Variants in ADGRB3 observed in about 807,000 individuals in gnomAD.
ADGRB3 encodes adhesion G protein-coupled receptor B3.
ADGRB3 carries 37 observed loss-of-function variants against 193.4 expected under a neutral mutation model. That is an observed-to-expected ratio of 0.19 (90% CI 0.15 to 0.25). The LOEUF (loss-of-function observed/expected upper bound fraction) is 0.25, where lower values mean the gene tolerates loss of function less well. Ranked by LOEUF, ADGRB3 falls within the 10% of genes least tolerant of loss-of-function variation. ADGRB3 has a pLI of 1.00. For missense variants in ADGRB3, 1,637 were observed against 1,852.9 expected (o/e 0.88, Z 2.14); for synonymous variants, 690 against 644.2 (o/e 1.07, Z -1.08).
chr6:68,871,805 G>A (rs536833152), intron 3 of ADGRB3, among the ~76,000 whole-genome samples: 1 of 152,026 alleles, frequency 6.6e-6, no homozygotes, highest in South Asian at 2.1e-4. Flanking sequence ...CATTAATGAG[G>A]GTAATAATTT....
In ADGRB3 at chr6:69,048,424, C is replaced by T. The variant is rs1771300620; in HGVS notation, c.2257+90C>T. On this transcript the variant is annotated intron_variant, in intron 14 of 31. Coordinates refer to ENST00000370598, the MANE Select transcript of ADGRB3 (RefSeq NM_001704.3). ...TAGGTATAAATCTTCATACATTAAA[C>T]AGTTTAGAAATAGTCTGTAATCATT... 7 of 1,295,036 alleles carry T rather than the reference C, an allele frequency of 5.4e-6. No individual in the cohort carries two copies. The South Asian group carries it at 8.5e-5, about 16-fold the overall frequency. The allele number at this position is 1,295,036 out of a possible 1,614,324, so 80.2% of individuals were successfully genotyped here.
chr6:68,790,540 G>A (rs1255860920), intron 3 of ADGRB3, among the ~76,000 whole-genome samples: 1 of 152,160 alleles, frequency 6.6e-6, no homozygotes, highest in African/African-American at 2.4e-5. Context: ...GCACCCCCGA[G>A]TAGGGGCAGA....
At chr6:68,971,124 A>G (rs1258572250) in intron 8 of ADGRB3, among the ~76,000 whole-genome samples, 1 of 152,246 alleles carries the variant, frequency 6.6e-6, no homozygotes, top group Non-Finnish European at 1.5e-5. Flanking sequence ...GTTGGCCGTC[A>G]GTATTCATGG....
chr6:69,226,913 G>A (rs930004037), intron 17 of ADGRB3, among the ~76,000 whole-genome samples: 6 of 152,182 alleles, frequency 3.9e-5, no homozygotes, highest in Non-Finnish European at 8.8e-5. Context: ...TTGAGGCTTA[G>A]GCTAACAAGT....
chr6:68,703,903 G>A (rs1765284101), intron 3 of ADGRB3, among the ~76,000 whole-genome samples: 1 of 152,168 alleles, frequency 6.6e-6, no homozygotes, highest in South Asian at 2.1e-4. Context: ...GATTACAGGT[G>A]TGAGCCACTG....
At chr6:69,211,490 T>G (rs1765666354) in intron 17 of ADGRB3, among the ~76,000 whole-genome samples, 1 of 152,160 alleles carries the variant, frequency 6.6e-6, no homozygotes. Flanking sequence ...AAAAAGTTCC[T>G]GTATTATAAT....
intron 16 of ADGRB3, among the ~76,000 whole-genome samples, chr6:69,064,605 G>GT (rs1394852933): frequency 6.7e-6 from 1 of 150,104 alleles, no homozygotes; most frequent in Admixed American, 6.8e-5. Context: ...TGTTTTTATT[G>GT]TTTTTCTACA....
Position 69,233,162 on chromosome 6 carries a change from T to C in ADGRB3, c.2481-128T>C, listed in dbSNP as rs952871503. ...AAATTACATCCTGTTCAACAACAAG[T>C]AGATTTTTTTTTCCTGTACAGGAAT... On this transcript the variant is annotated intron_variant, in intron 17 of 31. Coordinates refer to ENST00000370598, the MANE Select transcript of ADGRB3 (RefSeq NM_001704.3). 5 of 1,284,946 alleles carry C rather than the reference T, an allele frequency of 3.9e-6. No individual in the cohort carries two copies. The African/African-American group carries it at 7.7e-5, about 20-fold the overall frequency. The allele number at this position is 1,284,946 out of a possible 1,614,324, so 79.6% of individuals were successfully genotyped here.
chr6:69,275,151 G>T (rs1327963244), intron 20 of ADGRB3, among the ~76,000 whole-genome samples: 1 of 152,164 alleles, frequency 6.6e-6, no homozygotes, highest in African/African-American at 2.4e-5. Flanking sequence ...GTAGGGCTGA[G>T]ATGCTGAGAG....
intron 6 of ADGRB3, among the ~76,000 whole-genome samples, chr6:68,954,882 C>T (rs901358250): frequency 2.0e-5 from 3 of 152,102 alleles, no homozygotes; most frequent in Admixed American, 1.3e-4. Flanking sequence ...GGGGTTTCAC[C>T]GTGTTAGCCA....
chr6:68,839,703 A>G (rs559387234), intron 3 of ADGRB3, among the ~76,000 whole-genome samples: 1 of 152,224 alleles, frequency 6.6e-6, no homozygotes, highest in Admixed American at 6.5e-5. Flanking sequence ...CAAATGTAAC[A>G]CCTATTTACA....
rs189305115 is a variant in ADGRB3 at position 68,910,332 on chromosome 6, A to G, written c.758-20227A>G. Among the ~76,000 whole-genome samples, 10 of 152,290 alleles carry G rather than the reference A, an allele frequency of 6.6e-5. No homozygotes were observed. The East Asian group carries it at 1.9e-3, about 29-fold the overall frequency. ...CCCTTTGTCAGTTGAGTAGATTGCA[A>G]AAATGTTCTCCCATTCTGTAGGTTG... On this transcript the variant is annotated intron_variant, in intron 3 of 31. Transcript: ENST00000370598.
chr6:69,037,687 C>T (rs1047296434), intron 13 of ADGRB3, among the ~76,000 whole-genome samples: 2 of 152,076 alleles, frequency 1.3e-5, no homozygotes, highest in African/African-American at 4.8e-5. Flanking sequence ...CTTTCTGTCT[C>T]TCACCATTTA....
At chr6:68,689,343 ACT>A (rs1286050481) in intron 3 of ADGRB3, among the ~76,000 whole-genome samples, 2 of 151,978 alleles carry the variant, frequency 1.3e-5, no homozygotes, top group African/African-American at 4.8e-5. Context: ...GAGCCTCCTG[ACT>A]CTGGTTGCTG....
chr6:69,249,435 A>G (rs1561965774), intron 20 of ADGRB3, among the ~76,000 whole-genome samples: 2 of 152,360 alleles, frequency 1.3e-5, no homozygotes, highest in South Asian at 2.1e-4. Flanking sequence ...AGTAGCTAAC[A>G]AATACCCAGT....
intron 3 of ADGRB3, among the ~76,000 whole-genome samples, chr6:68,883,834 C>G (rs1582282112): frequency 6.6e-6 from 1 of 152,148 alleles, no homozygotes; most frequent in African/African-American, 2.4e-5. Flanking sequence ...AAAGAACCCA[C>G]CAATTCTGGA....
chr6:69,290,117 A>G (rs1374880836), intron 20 of ADGRB3, among the ~76,000 whole-genome samples: 1 of 152,138 alleles, frequency 6.6e-6, no homozygotes, highest in East Asian at 1.9e-4. Flanking sequence ...ATTGTGAGGC[A>G]TACTAAAGGA....
chr6:69,149,986 G>A, intron 17 of ADGRB3, among the ~76,000 whole-genome samples: 1 of 147,422 alleles, frequency 6.8e-6, no homozygotes. Flanking sequence ...TGAGATCCCT[G>A]GAGCTGAGGG....
chr6:69,372,464 A>T, intron 30 of ADGRB3, 23 bp downstream of exon 30: 1 of 1,260,594 alleles, frequency 7.9e-7, no homozygotes, highest in Non-Finnish European at 1.1e-6. Context: ...GAATTATTTT[A>T]GAATTGTAAT....
Sources: gnomAD v4.1 joint callset for allele counts (sites outside exome capture counted in the v4.1 genomes callset) on GRCh38, gnomAD v4.1.1 for gene constraint, MANE v1.5 for transcripts, NCBI Gene and HGNC (gene_info 2026-07-23, HGNC 2026-07-21) for gene names.